The following NCAM1 variants were observed in gnomAD, a reference collection of about 807,000 sequenced individuals.
NCAM1 encodes the protein neural cell adhesion molecule 1, also known as antigen recognized by monoclonal antibody 5.1H11.
In NCAM1, 14 loss-of-function variants were observed where a neutral mutation model predicts 109.8. The observed-to-expected ratio is 0.13, with a 90% CI of 0.08 to 0.20. The LOEUF (loss-of-function observed/expected upper bound fraction) is 0.20. Ranked by LOEUF, NCAM1 falls within the 10% of genes least tolerant of loss-of-function variation. NCAM1 has a pLI of 1.00. For missense variants in NCAM1, 774 were observed against 1,109.9 expected (o/e 0.70, Z 4.30); for synonymous variants, 418 against 442.9 (o/e 0.94, Z 0.70).
intron 14 of NCAM1, among the ~76,000 whole-genome samples, chr11:113,239,499 C>CTTTTTTTTTTTTTT (rs55641415): frequency 1.8e-5 from 2 of 110,220 alleles, no homozygotes; most frequent in African/African-American, 7.1e-5. Context: ...TGAGTCTCTA[C>CTTTTTTTTTTTTTT]TTTTTTTTTT....
At chr11:113,171,619 G>A (rs1159029389) in intron 1 of NCAM1, among the ~76,000 whole-genome samples, 1 of 150,996 alleles carries the variant, frequency 6.6e-6, no homozygotes, top group Non-Finnish European at 1.5e-5. Context: ...AGGCGACAGA[G>A]TGAGACTTTG....
At chr11:113,026,688 G>A (rs1299947809) in intron 1 of NCAM1, among the ~76,000 whole-genome samples, 1 of 152,224 alleles carries the variant, frequency 6.6e-6, no homozygotes, top group Admixed American at 6.5e-5. Context: ...CACATGGTTA[G>A]ATGGATGACT....
intron 1 of NCAM1, among the ~76,000 whole-genome samples, chr11:113,032,947 A>G (rs782040117): frequency 4.6e-5 from 7 of 152,168 alleles, no homozygotes; most frequent in Non-Finnish European, 7.4e-5. Flanking sequence ...CCCCTCAATA[A>G]ATTTTCTGAG....
chr11:113,051,514 G>T (rs1228826519), intron 1 of NCAM1, among the ~76,000 whole-genome samples: 4 of 142,656 alleles, frequency 2.8e-5, no homozygotes, highest in African/African-American at 7.4e-5. Flanking sequence ...AATAAAAATT[G>T]CCCATTAAAC....
intron 1 of NCAM1, chr11:113,133,979 T>C (rs891088616): frequency 2.0e-5 from 3 of 151,872 alleles, no homozygotes; most frequent in South Asian, 2.1e-4. Context: ...CTTTGCCTAT[T>C]TTCGGTGGCA....
At chr11:113,073,546 A>G (rs1938392115) in intron 1 of NCAM1, among the ~76,000 whole-genome samples, 1 of 152,100 alleles carries the variant, frequency 6.6e-6, no homozygotes, top group Admixed American at 6.5e-5. Context: ...ATGGCATTCG[A>G]CTTACTGGAT....
chr11:113,204,243 C>G (rs782073079), intron 2 of NCAM1, 43 bp from the exon 3 acceptor site: 1 of 1,523,538 alleles, frequency 6.6e-7, no homozygotes, highest in South Asian at 1.2e-5. Flanking sequence ...ACTTATTAGT[C>G]TTTTCGACTT....
Position 113,083,629 on chromosome 11 carries a change from G to A in NCAM1, c.53-118750G>A, listed in dbSNP as rs141042672. On this transcript the variant is annotated intron_variant, in intron 1 of 19. Transcript: ENST00000316851. ...AATTGCTTTTCAGTATGTTTGGCAT[G>A]ATTTTGCCTAGTCCTGTGTTTCTCA... Among the ~76,000 whole-genome samples the A allele has an allele frequency of 7.4e-4, 112 of 152,316 alleles. 1 individual carries two copies. Among genetic ancestry groups the A allele is most frequent in the African/African-American group, 2.6e-3 (108 of 41,578 alleles).
intron 1 of NCAM1, among the ~76,000 whole-genome samples, chr11:113,115,782 T>TA (rs1555094738): frequency 6.6e-6 from 1 of 152,224 alleles, no homozygotes. Context: ...AGATAACAGT[T>TA]ACGAGAATCT....
intron 1 of NCAM1, among the ~76,000 whole-genome samples, chr11:112,978,383 T>G (rs1270509764): frequency 6.6e-6 from 1 of 151,880 alleles, no homozygotes; most frequent in Non-Finnish European, 1.5e-5. Flanking sequence ...CAAATTGATT[T>G]TAAATGATAT....
rs533609177 is a variant in NCAM1 at position 113,134,604 on chromosome 11, G to A, written c.53-67775G>A. On this transcript the variant is annotated intron_variant, in intron 1 of 19. Transcript: ENST00000316851. ...CTGAACACTCATCTTGAGGCTTAGT[G>A]GCTGTCAGGTTCCTATTCCCTGTCC... 2.0e-5 allele frequency among the ~76,000 whole-genome samples: 3 copies of A among 152,154 alleles called. No homozygotes were observed. In the East Asian group the frequency reaches 5.8e-4, roughly 30 times the overall value.
At chr11:113,069,592 G>A (rs1165579527) in intron 1 of NCAM1, among the ~76,000 whole-genome samples, 1 of 152,170 alleles carries the variant, frequency 6.6e-6, no homozygotes, top group Non-Finnish European at 1.5e-5. Flanking sequence ...CTGGGTGCAG[G>A]ACGAGGTGCA....
intron 1 of NCAM1, among the ~76,000 whole-genome samples, chr11:113,137,325 C>T (rs1400413401): frequency 6.6e-6 from 1 of 152,144 alleles, no homozygotes; most frequent in African/African-American, 2.4e-5. Flanking sequence ...AGTTATAGAC[C>T]TGGTAGTAAG....
chr11:113,031,510 G>A (rs1952714263), intron 1 of NCAM1, among the ~76,000 whole-genome samples: 1 of 152,044 alleles, frequency 6.6e-6, no homozygotes, highest in Admixed American at 6.6e-5. Context: ...TGACCAACAT[G>A]GTGAAACCCC....
chr11:113,110,870 C>A (rs1940416507), intron 1 of NCAM1, among the ~76,000 whole-genome samples: 1 of 152,140 alleles, frequency 6.6e-6, no homozygotes, highest in African/African-American at 2.4e-5. Context: ...GGATACCTCC[C>A]AAAGCCTCAG....
intron 1 of NCAM1, among the ~76,000 whole-genome samples, chr11:113,006,676 A>G (rs1951899686): frequency 6.6e-6 from 1 of 152,280 alleles, no homozygotes; most frequent in South Asian, 2.1e-4. Context: ...AGGTTTTTGT[A>G]TAGTCAAAAT....
chr11:113,199,814 T>G (rs1348381165), intron 1 of NCAM1, among the ~76,000 whole-genome samples: 1 of 83,756 alleles, frequency 1.2e-5, no homozygotes, highest in Non-Finnish European at 2.3e-5. Flanking sequence ...GCAAATAAAG[T>G]AAAAGAAACA....
At chr11:113,170,806 T>C (rs1942964218) in intron 1 of NCAM1, among the ~76,000 whole-genome samples, 1 of 152,198 alleles carries the variant, frequency 6.6e-6, no homozygotes, top group Non-Finnish European at 1.5e-5. Flanking sequence ...GAATTCTCTT[T>C]GGTGGAAAAT....
chr11:113,020,751 T>TTTATTA (rs1401738818), intron 1 of NCAM1, among the ~76,000 whole-genome samples: 4 of 151,800 alleles, frequency 2.6e-5, no homozygotes, highest in African/African-American at 9.7e-5. Flanking sequence ...TGTTCTGCTG[T>TTTATTA]TTATTATTAT....
Sources: allele counts gnomAD v4.1 joint callset (sites outside exome capture counted in the v4.1 genomes callset), GRCh38; gene constraint gnomAD v4.1.1; transcripts MANE v1.5; gene names NCBI Gene and HGNC (gene_info 2026-07-23, HGNC 2026-07-21).